PTPRN2: variants seen among roughly 807,000 people sequenced by gnomAD.
The protein encoded by PTPRN2 is receptor-type tyrosine-protein phosphatase N2.
A neutral mutation model predicts 118.8 loss-of-function variants in PTPRN2; 74 were observed. That is an observed-to-expected ratio of 0.62 (90% CI 0.52 to 0.76). The LOEUF (loss-of-function observed/expected upper bound fraction) is 0.76. Among genes scored for constraint, PTPRN2 ranks in the 30% least tolerant of loss-of-function variants. The pLI is 0.00. For missense variants in PTPRN2, 1,481 were observed against 1,394.4 expected (o/e 1.06, Z -0.99); for synonymous variants, 641 against 608.0 (o/e 1.05, Z -0.80).
intron 1 of PTPRN2, among the ~76,000 whole-genome samples, chr7:158,562,682 T>C (rs1239746004): frequency 6.6e-6 from 1 of 152,216 alleles, no homozygotes; most frequent in Non-Finnish European, 1.5e-5. Flanking sequence ...TGAAGCCCTG[T>C]GTGCTTGCTT....
At chr7:158,085,624 CCCTCGACGCCCATCCACACAG>C (rs1813311530) in intron 10 of PTPRN2, among the ~76,000 whole-genome samples, 1 of 137,588 alleles carries the variant, frequency 7.3e-6, no homozygotes, top group Non-Finnish European at 1.6e-5. Flanking sequence ...CCCATCCACA[CCCTCGACGCCCATCCACACAG>C]ATACCCATCC....
chr7:158,013,803 T>TCCATCCACCCAC (rs1806237818), intron 11 of PTPRN2, among the ~76,000 whole-genome samples: 2 of 92,302 alleles, frequency 2.2e-5, no homozygotes, highest in African/African-American at 8.8e-5. Flanking sequence ...ACCCCATCCA[T>TCCATCCACCCAC]CCACCCACCC....
chr7:158,462,984 T>C (rs1428110405), intron 2 of PTPRN2, among the ~76,000 whole-genome samples: 1 of 152,290 alleles, frequency 6.6e-6, no homozygotes, highest in African/African-American at 2.4e-5. Context: ...GTGCTCATTT[T>C]AGCAGTGATG....
intron 14 of PTPRN2, among the ~76,000 whole-genome samples, chr7:157,650,263 C>T (rs998394590): frequency 2.0e-5 from 3 of 152,220 alleles, no homozygotes; most frequent in Non-Finnish European, 4.4e-5. Flanking sequence ...AGACATCCCC[C>T]GCAGGGGCTC....
At chr7:157,601,317 C>T (rs1164221859) in intron 16 of PTPRN2, among the ~76,000 whole-genome samples, 1 of 152,186 alleles carries the variant, frequency 6.6e-6, no homozygotes, top group Non-Finnish European at 1.5e-5. Context: ...CAGCCAGGGC[C>T]TTCCTTTGCT....
intron 3 of PTPRN2, among the ~76,000 whole-genome samples, chr7:158,301,766 T>C (rs775829393): frequency 6.6e-6 from 1 of 152,090 alleles, no homozygotes; most frequent in East Asian, 1.9e-4. Context: ...CTGGGCAACA[T>C]GGCAAAACCC....
intron 1 of PTPRN2, among the ~76,000 whole-genome samples, chr7:158,571,703 T>C (rs2129451540): frequency 6.6e-6 from 1 of 152,070 alleles, no homozygotes; most frequent in African/African-American, 2.4e-5. Context: ...TTCTGGGGTC[T>C]TGCGTTACTT....
Position 158,438,680 on chromosome 7 carries a change from G to C in PTPRN2, c.163+51055C>G, listed in dbSNP as rs1816759598. Among the ~76,000 whole-genome samples the C allele has an allele frequency of 6.6e-6, 1 of 152,208 alleles. No individual in the cohort carries two copies. Among genetic ancestry groups the C allele is most frequent in the East Asian group, 1.9e-4 (1 of 5,192 alleles). On this transcript the variant is annotated intron_variant, in intron 2 of 22. Transcript: ENST00000389418. This position sits in a 1 kb window ranked among gnomAD's most constrained non-coding sequence, Gnocchi z 4.7. ...GAATTTGCTAATGATGAATCGTGCT[G>C]TGTGAAAATACACTTTAGGCTGATG...
At chr7:158,071,592 G>T (rs1307664032) in intron 11 of PTPRN2, among the ~76,000 whole-genome samples, 11 of 90,350 alleles carry the variant, frequency 1.2e-4, no homozygotes, top group Admixed American at 3.3e-4. Context: ...CCTGGTGGAG[G>T]TGCTCCTGGT....
intron 2 of PTPRN2, among the ~76,000 whole-genome samples, chr7:158,482,978 A>G (rs1443204875): frequency 6.6e-6 from 1 of 152,178 alleles, no homozygotes; most frequent in African/African-American, 2.4e-5. Context: ...GGGCCTCCCT[A>G]TGCCCAGAGG....
chr7:157,897,065 G>A lies in PTPRN2; in HGVS notation c.1788+1608C>T, dbSNP rs187083895. 6.6e-5 allele frequency among the ~76,000 whole-genome samples: 10 copies of A among 152,172 alleles called. No individual in the cohort carries two copies. In the East Asian group the frequency reaches 7.7e-4, roughly 12 times the overall value. On this transcript the variant is annotated intron_variant, in intron 12 of 22. Coordinates refer to ENST00000389418, the MANE Select transcript of PTPRN2 (RefSeq NM_002847.5). Reference sequence around the variant, plus strand: ...TACAGCAGAGGGTCCCAGCCTCGACGCGTTCTCTGACCAGGTTACAGAGAT... The same window carrying A: ...TACAGCAGAGGGTCCCAGCCTCGACACGTTCTCTGACCAGGTTACAGAGAT...
intron 11 of PTPRN2, among the ~76,000 whole-genome samples, chr7:157,959,177 T>C (rs1469638052): frequency 6.6e-6 from 1 of 152,196 alleles, no homozygotes; most frequent in Non-Finnish European, 1.5e-5. Flanking sequence ...TGCAAAAGAA[T>C]AAAGCTGGAC....
chr7:158,010,760 C>T (rs1268531122), intron 11 of PTPRN2, among the ~76,000 whole-genome samples: 2 of 152,164 alleles, frequency 1.3e-5, no homozygotes, highest in Non-Finnish European at 2.9e-5. Context: ...TTGTTTATTT[C>T]TCTGCTGCCT....
At chr7:158,171,093 T>C (rs868627716) in intron 5 of PTPRN2, among the ~76,000 whole-genome samples, 2,632 of 128,376 alleles carry the variant, frequency 0.021, 158 homozygotes, top group African/African-American at 0.06. Context: ...TATACACACA[T>C]ATATATATAC....
rs559998262 is a variant in PTPRN2, at chr7:158,012,775, G to C, written c.1723+68523C>G. ...GCATTCCAAGAGCAGGGATGAGAAAGAGAAATGAAGGAGCAAAGGCACATA... is the reference window on the plus strand; with the variant it reads ...GCATTCCAAGAGCAGGGATGAGAAACAGAAATGAAGGAGCAAAGGCACATA... On this transcript the variant is annotated intron_variant, in intron 11 of 22. Transcript: ENST00000389418. Among the ~76,000 whole-genome samples, 10 of 152,332 alleles carry C rather than the reference G, an allele frequency of 6.6e-5. No homozygotes were observed. The South Asian group carries it at 1.7e-3, about 25-fold the overall frequency.
chr7:157,897,876 G>T (rs1176108000), intron 12 of PTPRN2, among the ~76,000 whole-genome samples: 1 of 152,280 alleles, frequency 6.6e-6, no homozygotes, highest in Non-Finnish European at 1.5e-5. Flanking sequence ...GGCGAGCGCT[G>T]TGAAACCCGA....
chr7:157,601,448 G>GA (rs5888722), intron 16 of PTPRN2, among the ~76,000 whole-genome samples: 12,714 of 148,614 alleles, frequency 0.086, 784 homozygotes, highest in East Asian at 0.19. Flanking sequence ...CCCAAATTTG[G>GA]AAAAAAAAAA....
chr7:157,663,799 A>T (rs539775442), intron 13 of PTPRN2, among the ~76,000 whole-genome samples: 1 of 152,346 alleles, frequency 6.6e-6, no homozygotes, highest in South Asian at 2.1e-4. Context: ...TATAGTTTCC[A>T]AATTCATAAT....
At position 157,880,073 on chromosome 7, in the gene PTPRN2, C is replaced by T. The variant is rs576512502; in HGVS notation, c.1788+18600G>A. 1.9e-3 allele frequency among the ~76,000 whole-genome samples: 283 copies of T among 152,318 alleles called. 1 individual carries two copies. Among genetic ancestry groups the T allele is most frequent in the African/African-American group, 6.2e-3 (259 of 41,554 alleles). On this transcript the variant is annotated intron_variant, in intron 12 of 22. Coordinates refer to ENST00000389418, the MANE Select transcript of PTPRN2 (RefSeq NM_002847.5). ...ATTGTCTGGTTGAAAATGACAGCTT[C>T]CGCTTATTCATGTGTTAACGAGGGA...
Sources: allele counts gnomAD v4.1 joint callset (sites outside exome capture counted in the v4.1 genomes callset), GRCh38; gene constraint gnomAD v4.1.1; non-coding constraint Gnocchi (gnomAD v3.1); transcripts MANE v1.5; gene names NCBI Gene and HGNC (gene_info 2026-07-23, HGNC 2026-07-21).